CACNA1B: variants seen among roughly 807,000 people sequenced by gnomAD.
CACNA1B encodes voltage-dependent N-type calcium channel subunit alpha-1B.
CACNA1B carries 70 observed loss-of-function variants against 247.2 expected under a neutral mutation model. That is an observed-to-expected ratio of 0.28 (90% CI 0.23 to 0.35). The LOEUF is 0.35. Among genes scored for constraint, CACNA1B ranks in the 10% least tolerant of loss-of-function variants. The pLI, the probability that CACNA1B is intolerant of heterozygous loss-of-function variation, is 1.00. For missense variants in CACNA1B, 2,367 were observed against 3,197.4 expected, an observed-to-expected ratio of 0.74 and a Z score of 6.26; for synonymous variants, 1,231 against 1,294.4, an observed-to-expected ratio of 0.95 and a Z score of 1.05.
At chr9:138,003,994 G>T (rs563249997) in intron 15 of CACNA1B, among the ~76,000 whole-genome samples, 14 of 152,096 alleles carry the variant, frequency 9.2e-5, no homozygotes, top group Non-Finnish European at 1.6e-4. Context: ...TGGGTGGTGT[G>T]AGGATGTGAT....
At chr9:138,049,786 G>A (rs1959217161) in intron 24 of CACNA1B, among the ~76,000 whole-genome samples, 1 of 152,156 alleles carries the variant, frequency 6.6e-6, no homozygotes, top group Admixed American at 6.5e-5. Flanking sequence ...TCCCCTTTTG[G>A]GGCATTAGAC....
intron 7 of CACNA1B, among the ~76,000 whole-genome samples, chr9:137,953,186 G>A (rs1957899239): frequency 1.3e-5 from 2 of 152,222 alleles, no homozygotes; most frequent in Non-Finnish European, 2.9e-5. Flanking sequence ...ACTGGGTTTG[G>A]TATTTGGGGC....
chr9:137,933,329 G>A (rs1199922318), intron 6 of CACNA1B, among the ~76,000 whole-genome samples: 1 of 152,184 alleles, frequency 6.6e-6, no homozygotes, highest in Non-Finnish European at 1.5e-5. Flanking sequence ...GAGATTACAG[G>A]TGTGAGTCAC....
intron 12 of CACNA1B, among the ~76,000 whole-genome samples, chr9:137,982,243 C>T (rs1958303141): frequency 6.6e-6 from 1 of 152,142 alleles, no homozygotes; most frequent in South Asian, 2.1e-4. Context: ...CACTTCCAGC[C>T]TCATGCTCAT....
intron 18 of CACNA1B, among the ~76,000 whole-genome samples, chr9:138,015,128 C>T (rs1026403742): frequency 1.3e-5 from 2 of 152,108 alleles, no homozygotes; most frequent in South Asian, 2.1e-4. Flanking sequence ...TGCCAGCATC[C>T]TCAACTCAAG....
intron 6 of CACNA1B, among the ~76,000 whole-genome samples, chr9:137,933,893 C>T (rs1236068282): frequency 6.8e-6 from 1 of 147,754 alleles, no homozygotes; most frequent in Non-Finnish European, 1.5e-5. Context: ...CATTATGGAA[C>T]AAAAAAAAAA....
In CACNA1B at chr9:137,992,141, G is replaced by C. The variant is rs565986812; in HGVS notation, c.1974+5287G>C. ...ACCTAAATGCTCCACTTAAAAGATA[G>C]AGAATGGCAGAATGGATAAGAATTC... On this transcript the variant is annotated intron_variant, in intron 15 of 46. Coordinates refer to ENST00000371372, the MANE Select transcript of CACNA1B (RefSeq NM_000718.4). 3.3e-5 allele frequency among the ~76,000 whole-genome samples: 5 copies of C among 152,258 alleles called. No homozygotes were observed. In the South Asian group the frequency reaches 1.0e-3, roughly 32 times the overall value.
At chr9:138,110,009 G>C (rs1345786327) in intron 39 of CACNA1B, among the ~76,000 whole-genome samples, 1 of 151,864 alleles carries the variant, frequency 6.6e-6, no homozygotes, top group African/African-American at 2.4e-5. Context: ...AGCCAAGATA[G>C]TGCCACTGTA....
At position 137,952,198 on chromosome 9, in the gene CACNA1B, G is replaced by A. The variant is rs1454226994; in HGVS notation, c.967-76G>A. On this transcript the variant is annotated intron_variant, in intron 6 of 46. Coordinates refer to ENST00000371372, the MANE Select transcript of CACNA1B (RefSeq NM_000718.4). The surrounding 1 kb of genome is among the most constrained non-coding windows in gnomAD (Gnocchi z 4.8). ...TGTGCTTCTGAGAAGGAGGCCTGTTGGGGGCTGGGGGTGCTCCTGTGGCCG... is the reference window on the plus strand; with the variant it reads ...TGTGCTTCTGAGAAGGAGGCCTGTTAGGGGCTGGGGGTGCTCCTGTGGCCG... The A allele has an allele frequency of 1.7e-6, 2 of 1,163,492 alleles. No individual in the cohort carries two copies. The highest frequency in any genetic ancestry group is 2.6e-6 in the Non-Finnish European group (2 of 777,134). The allele number at this position is 1,163,492 out of a possible 1,614,324, so 72.1% of individuals were successfully genotyped here.
At chr9:138,049,982 A>G in intron 24 of CACNA1B, 1 of 857,612 alleles carries the variant, frequency 1.2e-6, no homozygotes, top group Non-Finnish European at 1.7e-6. Context: ...GACAGACATG[A>G]GGGAGGGTCC....
intron 45 of CACNA1B, 111 bp from the exon 46 acceptor site, chr9:138,120,520 C>G: frequency 7.2e-7 from 1 of 1,385,602 alleles, no homozygotes; most frequent in Non-Finnish European, 9.6e-7. Flanking sequence ...CAGGCCCTAA[C>G]CCTCACCCTA....
At chr9:138,045,721 C>T (rs1179488629) in intron 21 of CACNA1B, among the ~76,000 whole-genome samples, 6 of 152,022 alleles carry the variant, frequency 3.9e-5, no homozygotes, top group Admixed American at 6.5e-5. Context: ...GAGTGGATGA[C>T]GGCTGAATTA....
At chr9:138,024,106 G>C (rs952032621) in intron 19 of CACNA1B, among the ~76,000 whole-genome samples, 3 of 152,252 alleles carry the variant, frequency 2.0e-5, no homozygotes, top group Non-Finnish European at 4.4e-5. Flanking sequence ...GAGGGCTTAA[G>C]GGGGAATTGT....
At chr9:137,995,044 A>C (rs529668865) in intron 15 of CACNA1B, among the ~76,000 whole-genome samples, 4 of 152,052 alleles carry the variant, frequency 2.6e-5, no homozygotes, top group Non-Finnish European at 4.4e-5. Flanking sequence ...AACCCTACTT[A>C]AAAAAGTACA....
intron 10 of CACNA1B, among the ~76,000 whole-genome samples, chr9:137,967,375 GA>G (rs1424633562): frequency 6.6e-6 from 1 of 152,058 alleles, no homozygotes; most frequent in Non-Finnish European, 1.5e-5. Flanking sequence ...TTTCATTCTT[GA>G]CTGTCGCCCG....
intron 36 of CACNA1B, among the ~76,000 whole-genome samples, chr9:138,091,694 T>G (rs1564281999): frequency 2.0e-5 from 3 of 151,896 alleles, no homozygotes. Flanking sequence ...ACATGTCAAT[T>G]AAAAAAATAA....
intron 12 of CACNA1B, among the ~76,000 whole-genome samples, chr9:137,982,390 AAG>A (rs1395021623): frequency 6.6e-6 from 1 of 152,222 alleles, no homozygotes; most frequent in Non-Finnish European, 1.5e-5. Context: ...TGTTCAGAGA[AAG>A]AGTTAAGAGT....
rs1002114760 is a variant in CACNA1B, at chr9:137,917,832, T to A, written c.966+401T>A. ...CTGTTGACTCCTCTCAGGAACCTGT[T>A]GCACAGATGATGAGGCTGACTTGTG... On this transcript the variant is annotated intron_variant, in intron 6 of 46. Coordinates refer to ENST00000371372, the MANE Select transcript of CACNA1B (RefSeq NM_000718.4). The surrounding 1 kb of genome is among the most constrained non-coding windows in gnomAD (Gnocchi z 5.5). 6.6e-6 allele frequency among the ~76,000 whole-genome samples: 1 copy of A among 152,230 alleles called. No individual in the cohort carries two copies. Among genetic ancestry groups the A allele is most frequent in the Admixed American group, 6.5e-5 (1 of 15,290 alleles).
intron 15 of CACNA1B, among the ~76,000 whole-genome samples, chr9:138,003,160 A>T (rs1000817304): frequency 7.8e-4 from 114 of 146,202 alleles, no homozygotes; most frequent in African/African-American, 2.5e-3. Context: ...AGCCTTGGCA[A>T]TAGAGCAAGA....
Sources: allele counts gnomAD v4.1 joint callset (sites outside exome capture counted in the v4.1 genomes callset), GRCh38; gene constraint gnomAD v4.1.1; non-coding constraint Gnocchi (gnomAD v3.1); transcripts MANE v1.5; gene names NCBI Gene and HGNC (gene_info 2026-07-23, HGNC 2026-07-21).